Variants in FAM118A observed in about 807,000 individuals in gnomAD.
FAM118A encodes SIR2 antiphage like 2.
FAM118A carries 25 observed loss-of-function variants against 38.2 expected under a neutral mutation model. The ratio of observed to expected loss-of-function variants is 0.65; its 90% CI spans 0.48 to 0.91. The LOEUF is 0.91. Among genes scored for constraint, FAM118A ranks in the 40% least tolerant of loss-of-function variants. The probability of loss-of-function intolerance (pLI) is 0.00; values close to 1 mark genes in which losing one functional copy is unlikely to be tolerated. For synonymous variants in FAM118A, 178 were observed against 184.1 expected (o/e 0.97, Z 0.27); for missense variants, 425 against 463.3 (o/e 0.92, Z 0.76).
At chr22:45,322,099 C>A in intron 1 of FAM118A, 1 of 1,124,518 alleles carries the variant, frequency 8.9e-7, no homozygotes, top group Non-Finnish European at 1.2e-6. Flanking sequence ...GCCCATCCTT[C>A]ATCTGCTCCT....
intron 1 of FAM118A, among the ~76,000 whole-genome samples, chr22:45,312,025 G>T (rs1369527162): frequency 6.6e-6 from 1 of 152,112 alleles, no homozygotes; most frequent in South Asian, 2.1e-4. Flanking sequence ...TCAGAGGTGG[G>T]CCAGGACCAT....
intron 3 of FAM118A, among the ~76,000 whole-genome samples, chr22:45,326,042 T>C (rs909417856): frequency 2.0e-5 from 3 of 152,184 alleles, no homozygotes; most frequent in Middle Eastern, 3.4e-3. Context: ...GTCTTGGTTT[T>C]CTTGTGCCGG....
chr22:45,325,501 G>A lies in FAM118A; in HGVS notation c.300+2074G>A, dbSNP rs1210888469. Among the ~76,000 whole-genome samples the A allele has an allele frequency of 2.6e-5, 4 of 152,222 alleles. No individual in the cohort carries two copies. The East Asian group carries it at 7.7e-4, about 29-fold the overall frequency. On this transcript the variant is annotated intron_variant, in intron 3 of 8. Transcript: ENST00000441876. ...GCAGGACAGGACAGCAGGGCAGCTA[G>A]TGACTGGTCAGTGATAGTGGGGTCA...
At chr22:45,327,056 A>G (rs1208994918) in intron 3 of FAM118A, among the ~76,000 whole-genome samples, 1 of 150,670 alleles carries the variant, frequency 6.6e-6, no homozygotes, top group Admixed American at 6.6e-5. Context: ...AAAATAATAT[A>G]AAAAATTAAA....
rs1010441864 is a variant in FAM118A at position 45,327,753 on chromosome 22, A to G, written c.301-89A>G. The stretch of plus-strand genomic sequence containing the variant: ...GATTTTCTTTGTTTTCAGCCGCTGT[A>G]TCTCTGGCACCCAGAAAATGGCCTG... On this transcript the variant is annotated intron_variant, in intron 3 of 8. Transcript: ENST00000441876. The G allele has an allele frequency of 1.2e-5, 16 of 1,339,214 alleles. No individual in the cohort carries two copies. In the African/African-American group the frequency reaches 1.6e-4, roughly 13 times the overall value. The allele number at this position is 1,339,214 out of a possible 1,614,324, so 83.0% of individuals were successfully genotyped here.
chr22:45,339,811 G>T (rs1399644183), intron 8 of FAM118A, among the ~76,000 whole-genome samples: 1 of 152,214 alleles, frequency 6.6e-6, no homozygotes, highest in Non-Finnish European at 1.5e-5. Flanking sequence ...CACATCGCGG[G>T]TAGGGCCTAC....
intron 1 of FAM118A, among the ~76,000 whole-genome samples, chr22:45,314,004 T>C (rs1055282374): frequency 6.6e-6 from 1 of 152,198 alleles, no homozygotes; most frequent in African/African-American, 2.4e-5. Context: ...AAGATATTCT[T>C]TCCTTTGTAG....
At chr22:45,310,804 C>G (rs888879461) in intron 1 of FAM118A, among the ~76,000 whole-genome samples, 1 of 152,192 alleles carries the variant, frequency 6.6e-6, no homozygotes, top group African/African-American at 2.4e-5. Flanking sequence ...ACAGGACAGT[C>G]TATAGAGCAG....
At chr22:45,322,055 G>C (rs1027066646) in intron 1 of FAM118A, 1 of 525,410 alleles carries the variant, frequency 1.9e-6, no homozygotes, top group South Asian at 2.0e-5. Context: ...AGTGTCCCAA[G>C]AGACAGCGAA....
intron 1 of FAM118A, 26 bp from the exon 2 acceptor site, chr22:45,322,345 C>A: frequency 6.2e-7 from 1 of 1,600,142 alleles, no homozygotes; most frequent in South Asian, 1.1e-5. Context: ...AGACAGAAGT[C>A]ACTTCTGACT....
chr22:45,336,513 G>A, intron 8 of FAM118A, 102 bp downstream of exon 8: 1 of 845,516 alleles, frequency 1.2e-6, no homozygotes, highest in Non-Finnish European at 1.9e-6. Flanking sequence ...GCCCTATGGT[G>A]GGAGGACGGT....
chr22:45,337,760 C>T (rs1295614319), intron 8 of FAM118A: 1 of 900,686 alleles, frequency 1.1e-6, no homozygotes, highest in African/African-American at 1.8e-5. Context: ...CCCCATCCAT[C>T]CTGCTAGTAC....
At chr22:45,326,967 G>T (rs1230528678) in intron 3 of FAM118A, among the ~76,000 whole-genome samples, 1 of 151,292 alleles carries the variant, frequency 6.6e-6, no homozygotes, top group African/African-American at 2.4e-5. Context: ...CCGTGATCGT[G>T]CCACTCACTG....
At chr22:45,316,478 G>A (rs748339546) in intron 1 of FAM118A, among the ~76,000 whole-genome samples, 11 of 152,186 alleles carry the variant, frequency 7.2e-5, no homozygotes, top group Non-Finnish European at 1.2e-4. Flanking sequence ...GGGTCTGGCC[G>A]TTGAGCTTCC....
At chr22:45,310,398 T>TGAGG (rs1484899408) in intron 1 of FAM118A, among the ~76,000 whole-genome samples, 5 of 149,854 alleles carry the variant, frequency 3.3e-5, no homozygotes, top group Non-Finnish European at 7.4e-5. Flanking sequence ...CGAGACCCCC[T>TGAGG]GAGGACCCCG....
At chr22:45,332,829 C>T (rs904843063) in intron 6 of FAM118A, 119 bp downstream of exon 6, 7 of 1,057,418 alleles carry the variant, frequency 6.6e-6, no homozygotes, top group African/African-American at 6.5e-5. Flanking sequence ...TCACCACAAC[C>T]TCCGCCTCCT....
intron 2 of FAM118A, 138 bp from the exon 3 acceptor site, chr22:45,323,035 AGG>A: frequency 1.4e-6 from 1 of 739,694 alleles, no homozygotes; most frequent in Non-Finnish European, 2.0e-6. Flanking sequence ...ACAGCGTCAG[AGG>A]GGACTGTGTG....
At chr22:45,328,798 AAAG>A (rs1329065576) in intron 4 of FAM118A, 4 of 267,102 alleles carry the variant, frequency 1.5e-5, no homozygotes, top group Admixed American at 4.9e-5. Flanking sequence ...AGAAAAAAAA[AAAG>A]AAATACCTGA....
chr22:45,327,983 A>C lies in FAM118A; in HGVS notation c.442A>C (p.Asn148His), dbSNP rs751930242. 10 of 1,613,444 alleles carry C rather than the reference A, an allele frequency of 6.2e-6. No homozygotes were observed. The highest frequency in any genetic ancestry group is 7.6e-6 in the Non-Finnish European group (9 of 1,179,802). ...MDRGAMVLTT[N>H]YDNLLEAFGR... ...CAGGGGCGCCATGGTCCTGACCACC[A>C]ACTATGACAACCTGCTGGAGGCCTT... is the stretch of plus-strand genomic sequence containing the variant. Residue 148 changes from asparagine to histidine, a missense_variant, in exon 4 of 9, where the codon AAC (asparagine) becomes CAC (histidine). Coordinates refer to ENST00000441876, the MANE Select transcript of FAM118A (RefSeq NM_017911.4).
Sources: gnomAD v4.1 joint callset for allele counts (sites outside exome capture counted in the v4.1 genomes callset) on GRCh38, gnomAD v4.1.1 for gene constraint, MANE v1.5 for transcripts, NCBI Gene and HGNC (gene_info 2026-07-23, HGNC 2026-07-21) for gene names.